ZNF425: variants seen among roughly 807,000 people sequenced by gnomAD.
ZNF425 encodes zinc finger protein 425.
Under a neutral mutation model 17.0 loss-of-function variants are expected in ZNF425, and 21 were observed. That is an observed-to-expected ratio of 1.23 (90% CI 0.88 to 1.78). The LOEUF (loss-of-function observed/expected upper bound fraction) is 1.78. Ranked by LOEUF, ZNF425 falls within the 40% of genes most tolerant of loss-of-function variation. ZNF425 has a pLI of 0.00. For synonymous variants in ZNF425, 433 were observed against 384.1 expected (o/e 1.13, Z -1.49); for missense variants, 868 against 967.3 (o/e 0.90, Z 1.36).
chr7:149,111,320 G>A (rs1053825869), intron 3 of ZNF425, among the ~76,000 whole-genome samples: 4 of 151,288 alleles, frequency 2.6e-5, no homozygotes, highest in Admixed American at 6.6e-5. Context: ...TGTCGGGCGC[G>A]GTGGCTCATG....
intron 1 of ZNF425, among the ~76,000 whole-genome samples, chr7:149,121,984 C>T (rs62505067): frequency 0.039 from 5,858 of 151,912 alleles, 153 homozygotes; most frequent in Admixed American, 0.075. Context: ...GGTGCAATCG[C>T]GGCTCACTGC....
chr7:149,126,222 C>T lies in ZNF425; in HGVS notation c.-9G>A. 6.2e-7 allele frequency: 1 copy of T among 1,611,084 alleles called. No homozygotes were observed. Among genetic ancestry groups the T allele is most frequent in the Non-Finnish European group, 8.5e-7 (1 of 1,179,058 alleles). On this transcript the variant is annotated 5_prime_UTR_variant, in exon 1 of 4. Transcript: ENST00000378061. Reference sequence around the variant, plus strand: ...GAAGCCGGCTCGGCCATGGCGGTTCCGCACGAACCGGCCCTGCCTGGCACG... The same window carrying T: ...GAAGCCGGCTCGGCCATGGCGGTTCTGCACGAACCGGCCCTGCCTGGCACG...
intron 1 of ZNF425, among the ~76,000 whole-genome samples, chr7:149,123,787 C>A (rs1219929365): frequency 1.3e-5 from 2 of 151,884 alleles, no homozygotes; most frequent in African/African-American, 4.8e-5. Context: ...CCGCCTCGGC[C>A]TCCCAAAGTG....
intron 2 of ZNF425, among the ~76,000 whole-genome samples, chr7:149,113,779 C>T (rs1338936514): frequency 2.6e-5 from 4 of 151,758 alleles, no homozygotes; most frequent in Non-Finnish European, 1.5e-5. Flanking sequence ...TCTCAATCTC[C>T]TGACCTCGTG....
chr7:149,105,181 C>T lies in ZNF425; in HGVS notation c.690G>A (p.Lys230=), dbSNP rs772822938. ...YPKYKNSSRG[K]SELRRTQRLL... Reference sequence around the variant, plus strand: ...GCCTCTGCGTCCGCCTGAGTTCGGACTTCCCTCTGGACGAGTTTTTGTACT... The same window carrying T: ...GCCTCTGCGTCCGCCTGAGTTCGGATTTCCCTCTGGACGAGTTTTTGTACT... Residue 230 remains lysine, a synonymous_variant, in exon 4 of 4, where the codon AAG becomes AAA. Coordinates refer to ENST00000378061, the MANE Select transcript of ZNF425 (RefSeq NM_001001661.3). 1 of 1,614,214 alleles carries T rather than the reference C, an allele frequency of 6.2e-7. No individual in the cohort carries two copies. The highest frequency in any genetic ancestry group is 2.2e-5 in the East Asian group (1 of 44,884).
chr7:149,124,602 C>T (rs1355570105), intron 1 of ZNF425, among the ~76,000 whole-genome samples: 4 of 152,096 alleles, frequency 2.6e-5, no homozygotes, highest in African/African-American at 9.7e-5. Context: ...AGTGCAATGG[C>T]ACGATCTCGG....
rs180724173 is a variant in ZNF425, at chr7:149,118,739, C to A, written c.19-391G>T. 2.5e-5 allele frequency: 8 copies of A among 318,368 alleles called. No homozygotes were observed. In the East Asian group the frequency reaches 6.7e-4, roughly 27 times the overall value. The allele number at this position is 318,368 out of a possible 1,614,324, so 19.7% of individuals were successfully genotyped here. A position where few individuals can be genotyped will look rare whatever the true frequency, so the allele number is the denominator to read the frequency against. On this transcript the variant is annotated intron_variant, in intron 1 of 3. Coordinates refer to ENST00000378061, the MANE Select transcript of ZNF425 (RefSeq NM_001001661.3). ...CTGAGGCAGGAGAATCGTTTGAACC[C>A]GGAAGGCAGAGGTTGCAGTGAGTTG...
At chr7:149,125,835 G>A (rs576913481) in intron 1 of ZNF425, 10 of 403,406 alleles carry the variant, frequency 2.5e-5, no homozygotes, top group Non-Finnish European at 4.1e-5. Context: ...GGTGGTCCCC[G>A]CTCCCGAGAG....
Position 149,103,941 on chromosome 7 carries a change from C to T in ZNF425, c.1930G>A (p.Gly644Ser), listed in dbSNP as rs140516632. Residue 644 changes from glycine (G) to serine (S), a missense_variant, in exon 4 of 4, where the codon GGC becomes AGC. Coordinates refer to ENST00000378061, the MANE Select transcript of ZNF425 (RefSeq NM_001001661.3). ...CGGTACTGTTGAGTGAAACTTTTGC[C>T]GCACATCACACAAGAGAATGGCTTT... The part of the protein sequence containing the change: ...GQKPFSCVMC[G>S]KSFTQQYRLT... The T allele has an allele frequency of 2.5e-6, 4 of 1,613,934 alleles. No individual in the cohort carries two copies. The highest frequency in any genetic ancestry group is 2.7e-5 in the African/African-American group (2 of 74,866).
At chr7:149,109,363 C>A (rs1282161945) in intron 3 of ZNF425, among the ~76,000 whole-genome samples, 4 of 152,118 alleles carry the variant, frequency 2.6e-5, no homozygotes, top group Non-Finnish European at 4.4e-5. Context: ...AGGCATGAGC[C>A]ACGGCACCCA....
rs1268613331 is a variant in ZNF425, at chr7:149,112,196, G to A, written c.245C>T (p.Thr82Ile). The A allele has an allele frequency of 6.2e-7, 1 of 1,613,972 alleles. No homozygotes were observed. Among genetic ancestry groups the A allele is most frequent in the African/African-American group, 1.3e-5 (1 of 74,924 alleles). The change falls in exon 3 of 4, where the codon ACT (threonine) becomes ATT (isoleucine). Residue 82 changes from threonine to isoleucine, a missense_variant. This residue lies in a region of ZNF425 where 179 missense variants were observed against 216.3 expected (regional missense o/e 0.83). Coordinates refer to ENST00000378061, the MANE Select transcript of ZNF425 (RefSeq NM_001001661.3). ...QGCLDKTRRT[T>I]SPPTDEQLNM... ...CAACTGTTCATCAGTAGGAGGGCTAGTTGTCCTTCTTGTTTTATCTAAGCA... is the reference window on the plus strand; with the variant it reads ...CAACTGTTCATCAGTAGGAGGGCTAATTGTCCTTCTTGTTTTATCTAAGCA...
chr7:149,111,590 T>TAAAAAAAAAAA (rs60783786), intron 3 of ZNF425, among the ~76,000 whole-genome samples: 86 of 54,380 alleles, frequency 1.6e-3, no homozygotes, highest in East Asian at 5.2e-3. Flanking sequence ...AGACTCTGTC[T>TAAAAAAAAAAA]AAAAAAAAAA....
rs1053007800 is a variant in ZNF425, at chr7:149,103,455, C to T, written c.*157G>A. 7 of 928,266 alleles carry T rather than the reference C, an allele frequency of 7.5e-6. No individual in the cohort carries two copies. Among genetic ancestry groups the T allele is most frequent in the South Asian group, 3.7e-5 (2 of 53,884 alleles). The allele number at this position is 928,266 out of a possible 1,614,324, so 57.5% of individuals were successfully genotyped here. A position where few individuals can be genotyped will look rare whatever the true frequency, so the allele number is the denominator to read the frequency against. On this transcript the variant is annotated 3_prime_UTR_variant, in exon 4 of 4. Coordinates refer to ENST00000378061, the MANE Select transcript of ZNF425 (RefSeq NM_001001661.3). ...CTGGTCTCAAACTTCTGGGCTCAAGCGATCCTCCCACCTGGGCCTCCCAAA... is the reference window on the plus strand; with the variant it reads ...CTGGTCTCAAACTTCTGGGCTCAAGTGATCCTCCCACCTGGGCCTCCCAAA...
chr7:149,107,877 T>TTTAC (rs1163943811), intron 3 of ZNF425, among the ~76,000 whole-genome samples: 1 of 151,034 alleles, frequency 6.6e-6, no homozygotes, highest in Admixed American at 6.7e-5. Context: ...TATTTATTTA[T>TTTAC]TTTTGAGCTA....
intron 2 of ZNF425, chr7:149,113,250 C>T (rs1008169473): frequency 6.6e-6 from 1 of 152,040 alleles, no homozygotes; most frequent in African/African-American, 2.4e-5. Flanking sequence ...GCTAGGATTA[C>T]AGGCATGAGC....
At chr7:149,106,363 C>T (rs1826082555) in intron 3 of ZNF425, among the ~76,000 whole-genome samples, 1 of 152,032 alleles carries the variant, frequency 6.6e-6, no homozygotes, top group Non-Finnish European at 1.5e-5. Context: ...TGTGCCTCAG[C>T]CTCCTGAGTA....
intron 2 of ZNF425, among the ~76,000 whole-genome samples, chr7:149,114,478 A>T (rs1247967483): frequency 1.4e-5 from 2 of 147,722 alleles, no homozygotes; most frequent in Admixed American, 1.4e-4. Flanking sequence ...GCTCACTGCA[A>T]CCTCCGCCTT....
intron 3 of ZNF425, among the ~76,000 whole-genome samples, chr7:149,107,842 T>TTATTTATG (rs1273903773): frequency 1.4e-5 from 2 of 147,884 alleles, no homozygotes; most frequent in African/African-American, 5.0e-5. Flanking sequence ...TCCCATTTAT[T>TTATTTATG]TATTTATTTA....
chr7:149,116,998 C>T (rs1306058454), intron 2 of ZNF425, among the ~76,000 whole-genome samples: 1 of 152,102 alleles, frequency 6.6e-6, no homozygotes, highest in African/African-American at 2.4e-5. Flanking sequence ...CGTGGTGGCT[C>T]ATGCCTGTAA....
Sources: gnomAD v4.1 joint callset for allele counts (sites outside exome capture counted in the v4.1 genomes callset) on GRCh38, gnomAD v4.1.1 for gene constraint, gnomAD v4.1.1 regional missense constraint, MANE v1.5 for transcripts, NCBI Gene and HGNC (gene_info 2026-07-23, HGNC 2026-07-21) for gene names.